Variants in EAPP observed in about 807,000 individuals in gnomAD.
The protein encoded by EAPP is E2F associated phosphoprotein.
EAPP carries 38 observed loss-of-function variants against 34.3 expected under a neutral mutation model. That is an observed-to-expected ratio of 1.11 (90% CI 0.85 to 1.45). The LOEUF (loss-of-function observed/expected upper bound fraction) is 1.45, where lower values mean the gene tolerates loss of function less well. Among genes scored for constraint, EAPP ranks in the 40% most tolerant of loss-of-function variants. The pLI is 0.00. For synonymous variants in EAPP, 113 were observed against 117.6 expected, an observed-to-expected ratio of 0.96 and a Z score of 0.25; for missense variants, 338 against 343.7, an observed-to-expected ratio of 0.98 and a Z score of 0.13.
intron 5 of EAPP, among the ~76,000 whole-genome samples, chr14:34,519,186 C>A (rs1357101954): frequency 6.6e-6 from 1 of 152,118 alleles, no homozygotes; most frequent in Non-Finnish European, 1.5e-5. Context: ...CTCTCTCTTC[C>A]TCTTGCTCTG....
Position 34,516,324 on chromosome 14 carries a change from C to T in EAPP, c.844G>A (p.Ala282Thr), listed in dbSNP as rs768367226. Residue 282 changes from alanine (A) to threonine (T), a missense_variant, in exon 6 of 6, where the codon GCA becomes ACA. Ala to Thr is a moderately conservative substitution (Grantham distance 58, BLOSUM62 0). Coordinates refer to ENST00000250454, the MANE Select transcript of EAPP (RefSeq NM_018453.4). Reference sequence around the variant, plus strand: ...AGTTGGGCTGTTTAGGAATGGCTTGCTAAAACATTGAAAAAATGAAAGACT... The same window carrying T: ...AGTTGGGCTGTTTAGGAATGGCTTGTTAAAACATTGAAAAAATGAAAGACT... ...DEVFHFFNVL[A>T]SHS The T allele has an allele frequency of 1.2e-6, 2 of 1,611,502 alleles. No individual in the cohort carries two copies. Among genetic ancestry groups the T allele is most frequent in the East Asian group, 2.2e-5 (1 of 44,866 alleles).
intron 1 of EAPP, chr14:34,539,209 A>C: frequency 2.2e-6 from 1 of 458,896 alleles, no homozygotes; most frequent in Non-Finnish European, 4.1e-6. Context: ...CAATTATGTT[A>C]TTATAGTTCA....
intron 5 of EAPP, 136 bp from the exon 6 acceptor site, chr14:34,516,722 T>TTA: frequency 1.2e-6 from 1 of 851,636 alleles, no homozygotes; most frequent in Non-Finnish European, 1.8e-6. Context: ...AACAGCAAGT[T>TTA]TAAAGAAATT....
At chr14:34,520,337 G>A (rs1414453128) in intron 5 of EAPP, among the ~76,000 whole-genome samples, 1 of 150,260 alleles carries the variant, frequency 6.7e-6, no homozygotes, top group Non-Finnish European at 1.5e-5. Context: ...AGCCTCCCCA[G>A]TAGCTGGGAT....
intron 3 of EAPP, among the ~76,000 whole-genome samples, chr14:34,532,502 A>G (rs994451819): frequency 5.3e-5 from 8 of 152,136 alleles, no homozygotes; most frequent in African/African-American, 1.9e-4. Context: ...AAACATAGAA[A>G]CTATTTTCAG....
At chr14:34,523,853 G>C (rs1880005226) in intron 5 of EAPP, among the ~76,000 whole-genome samples, 1 of 152,052 alleles carries the variant, frequency 6.6e-6, no homozygotes, top group South Asian at 2.1e-4. Context: ...AAGTATAAAA[G>C]CTACATTTAA....
chr14:34,528,020 G>A (rs1880150364), intron 4 of EAPP, among the ~76,000 whole-genome samples: 1 of 150,796 alleles, frequency 6.6e-6, no homozygotes, highest in African/African-American at 2.4e-5. Flanking sequence ...TCCATAAGCA[G>A]TGTACCTAGA....
At chr14:34,530,363 T>C (rs1880243036) in intron 3 of EAPP, among the ~76,000 whole-genome samples, 1 of 151,730 alleles carries the variant, frequency 6.6e-6, no homozygotes, top group South Asian at 2.1e-4. Flanking sequence ...TGAGACCCCA[T>C]CTCTACAAAA....
intron 4 of EAPP, among the ~76,000 whole-genome samples, chr14:34,528,342 C>G (rs1056013671): frequency 3.4e-5 from 5 of 145,244 alleles, no homozygotes. Context: ...AGCCTCATCT[C>G]AATTTTTAAA....
intron 3 of EAPP, 76 bp downstream of exon 3, chr14:34,533,368 T>A: frequency 8.1e-7 from 1 of 1,234,220 alleles, no homozygotes; most frequent in Admixed American, 1.9e-5. Flanking sequence ...CAGAGGGAAA[T>A]CCTAACATCT....
rs111420332 is a variant in EAPP, at chr14:34,524,653, A to ATGTG, written c.581+43_581+44insCACA. 1,979 of 874,988 alleles carry ATGTG rather than the reference A, an allele frequency of 2.3e-3. 11 individuals are homozygous for ATGTG. Among genetic ancestry groups the ATGTG allele is most frequent in the African/African-American group, 0.019 (940 of 50,516 alleles). 54.2% of individuals were successfully genotyped at this position (874,988 alleles called of 1,614,324 possible). On this transcript the variant is annotated intron_variant, in intron 5 of 5. Coordinates refer to ENST00000250454, the MANE Select transcript of EAPP (RefSeq NM_018453.4). ...AGTCTGTTTCTAATTTAAACAAAATATGTATGTGTGTGTGTGTGTGTGTGT... is the reference window on the plus strand; with the variant it reads ...AGTCTGTTTCTAATTTAAACAAAATATGTGTGTATGTGTGTGTGTGTGTGTGTGT...
intron 1 of EAPP, among the ~76,000 whole-genome samples, chr14:34,536,686 T>A (rs1277808500): frequency 6.6e-6 from 1 of 152,000 alleles, no homozygotes; most frequent in Non-Finnish European, 1.5e-5. Context: ...TTTCGCCATG[T>A]TGCCCAGGAT....
intron 4 of EAPP, among the ~76,000 whole-genome samples, chr14:34,525,382 C>T (rs553822505): frequency 5.4e-4 from 82 of 150,858 alleles, no homozygotes; most frequent in Non-Finnish European, 1.1e-3. Flanking sequence ...TACCAACACA[C>T]AAAACTCAGG....
chr14:34,516,326 A>G lies in EAPP; in HGVS notation c.842T>C (p.Leu281Ser), dbSNP rs1421662659. The change falls in exon 6 of 6, where the codon TTA (leucine) becomes TCA (serine). Residue 281 changes from leucine (L) to serine (S), a missense_variant. Coordinates refer to ENST00000250454, the MANE Select transcript of EAPP (RefSeq NM_018453.4). ...KDEVFHFFNV[L>S]ASHS ...TTGGGCTGTTTAGGAATGGCTTGCT[A>G]AAACATTGAAAAAATGAAAGACTTC... 1 of 1,612,068 alleles carries G rather than the reference A, an allele frequency of 6.2e-7. No homozygotes were observed. The highest frequency in any genetic ancestry group is 8.5e-7 in the Non-Finnish European group (1 of 1,178,734).
intron 3 of EAPP, among the ~76,000 whole-genome samples, chr14:34,532,913 G>A (rs1262109289): frequency 2.0e-5 from 3 of 152,144 alleles, no homozygotes; most frequent in Non-Finnish European, 4.4e-5. Context: ...CTGACCTCAG[G>A]CAATCTGCCC....
At chr14:34,523,459 T>C (rs1879987087) in intron 5 of EAPP, among the ~76,000 whole-genome samples, 1 of 151,300 alleles carries the variant, frequency 6.6e-6, no homozygotes, top group Admixed American at 6.6e-5. Context: ...TCTCCTGACC[T>C]CGTGATCCGC....
At position 34,516,119 on chromosome 14, in the gene EAPP, G is replaced by A. The variant is rs1233265341; in HGVS notation, c.*191C>T. 7.8e-6 allele frequency: 4 copies of A among 514,224 alleles called. No homozygotes were observed. The East Asian group carries it at 1.2e-4, about 16-fold the overall frequency. The allele number at this position is 514,224 out of a possible 1,614,324, so 31.9% of individuals were successfully genotyped here. A position where few individuals can be genotyped will look rare whatever the true frequency, so the allele number is the denominator to read the frequency against. Reference sequence around the variant, plus strand: ...GAATATCAGTCCCATCAATAAGGGGGAAAATCAAAGAAAAAAAAAAGGAGA... The same window carrying A: ...GAATATCAGTCCCATCAATAAGGGGAAAAATCAAAGAAAAAAAAAAGGAGA... On this transcript the variant is annotated 3_prime_UTR_variant, in exon 6 of 6. Coordinates refer to ENST00000250454, the MANE Select transcript of EAPP (RefSeq NM_018453.4).
intron 4 of EAPP, among the ~76,000 whole-genome samples, chr14:34,525,231 G>T (rs1336949690): frequency 6.6e-6 from 1 of 152,166 alleles, no homozygotes; most frequent in East Asian, 1.9e-4. Flanking sequence ...CCTCACAGTG[G>T]TGGAGTATAA....
intron 3 of EAPP, among the ~76,000 whole-genome samples, chr14:34,531,459 G>A (rs949546731): frequency 5.3e-5 from 8 of 151,856 alleles, no homozygotes; most frequent in African/African-American, 1.7e-4. Context: ...AAATTTAGCC[G>A]GGCGTGGTGA....
Sources: allele counts gnomAD v4.1 joint callset (sites outside exome capture counted in the v4.1 genomes callset), GRCh38; gene constraint gnomAD v4.1.1; transcripts MANE v1.5; gene names NCBI Gene and HGNC (gene_info 2026-07-23, HGNC 2026-07-21).